The following WHRN variants were observed in gnomAD, a reference collection of about 807,000 sequenced individuals.
WHRN encodes whirlin, also known as CASK-interacting protein CIP98.
In WHRN, 41 loss-of-function variants were observed where a neutral mutation model predicts 68.3. The observed-to-expected ratio is 0.60, with a 90% CI of 0.47 to 0.78. The LOEUF is 0.78. WHRN is among the 30% of genes least tolerant of loss of function. The probability of loss-of-function intolerance (pLI) is 0.00; values close to 1 mark genes in which losing one functional copy is unlikely to be tolerated. For synonymous variants in WHRN, 560 were observed against 561.3 expected (o/e 1.00, Z 0.03); for missense variants, 1,243 against 1,244.7 (o/e 1.00, Z 0.02).
chr9:114,421,365 G>C (rs1369160681), intron 7 of WHRN, among the ~76,000 whole-genome samples: 1 of 152,090 alleles, frequency 6.6e-6, no homozygotes, highest in Non-Finnish European at 1.5e-5. Flanking sequence ...GCCCTTGCCA[G>C]GCAAGATAGT....
chr9:114,410,427 T>C (rs1006345812), intron 7 of WHRN, among the ~76,000 whole-genome samples: 1 of 152,206 alleles, frequency 6.6e-6, no homozygotes, highest in African/African-American at 2.4e-5. Context: ...CTAGCCATCA[T>C]TGGAGGAGGC....
intron 2 of WHRN, among the ~76,000 whole-genome samples, chr9:114,469,908 CCCATCCT>C (rs1395832531): frequency 1.3e-5 from 2 of 152,330 alleles, no homozygotes; most frequent in East Asian, 3.9e-4. Context: ...GGTTCATGGC[CCCATCCT>C]CCATCTTCAA....
chr9:114,412,550 A>C (rs963886472), intron 7 of WHRN, among the ~76,000 whole-genome samples: 10 of 152,090 alleles, frequency 6.6e-5, no homozygotes, highest in Non-Finnish European at 7.4e-5. Flanking sequence ...AGAAAGCTGA[A>C]CTCTATTCAA....
In WHRN at chr9:114,504,649, G is replaced by C. The variant is rs753390670; in HGVS notation, c.153C>G (p.Ser51Arg). 3.1e-6 allele frequency: 5 copies of C among 1,606,190 alleles called. No individual in the cohort carries two copies. The highest frequency in any genetic ancestry group is 3.4e-6 in the Non-Finnish European group (4 of 1,177,534). ...GGGTGAACTGCTCCCGCTCCGCCTC[G>C]CTCAGCAGCGCGGTCAGCGCTTGGT... ...QLHQALTALL[S>R]EAEREQFTHC... The change falls in exon 1 of 12, where the codon AGC (serine) becomes AGG (arginine). Residue 51 changes from serine to arginine, a missense_variant. By Grantham distance (110) the Ser-to-Arg change is moderately radical. Transcript: ENST00000362057.
chr9:114,402,861 G>A lies in WHRN; in HGVS notation c.2617C>T (p.Arg873Trp), dbSNP rs267602096. 34 of 1,613,928 alleles carry A rather than the reference G, an allele frequency of 2.1e-5. No homozygotes were observed. The highest frequency in any genetic ancestry group is 4.4e-5 in the South Asian group (4 of 91,090). ...VILEVNGLTL[R>W]GKEHREAARI... ...GCGGCCTCCCGGTGCTCCTTGCCCCGAAGCGTCAGCCCATTCACTTCCAGA... is the reference window on the plus strand; with the variant it reads ...GCGGCCTCCCGGTGCTCCTTGCCCCAAAGCGTCAGCCCATTCACTTCCAGA... The change falls in exon 12 of 12, where the codon CGG (arginine) becomes TGG (tryptophan). Residue 873 changes from arginine (R) to tryptophan (W), a missense_variant. Transcript: ENST00000362057.
At chr9:114,493,589 A>T (rs1843189740) in intron 1 of WHRN, among the ~76,000 whole-genome samples, 1 of 152,184 alleles carries the variant, frequency 6.6e-6, no homozygotes, top group South Asian at 2.1e-4. Flanking sequence ...ACAAATTCAG[A>T]GACTCCACCA....
intron 1 of WHRN, among the ~76,000 whole-genome samples, chr9:114,499,338 G>A (rs1428246580): frequency 6.6e-6 from 1 of 152,208 alleles, no homozygotes; most frequent in Non-Finnish European, 1.5e-5. Context: ...TTAGAAGTCT[G>A]CGTGAGTTCA....
intron 1 of WHRN, among the ~76,000 whole-genome samples, chr9:114,497,865 C>A (rs2133391421): frequency 6.6e-6 from 1 of 152,326 alleles, no homozygotes; most frequent in South Asian, 2.1e-4. Flanking sequence ...TTGCTCCCCA[C>A]AGCCACCTGG....
rs117352600 is a variant in WHRN, at chr9:114,424,398, C to T, written c.1352G>A (p.Gly451Asp). ...GAGGGCCTCCACAGAGACGCTGCCA[C>T]CACGGTACTCATCCAGGTAGTAGGC... Reference protein sequence around the residue: ...TMAYYLDEYRGGSVSVEALVM... With the variant: ...TMAYYLDEYRDGSVSVEALVM... The change falls in exon 6 of 12, where the codon GGT (glycine) becomes GAT (aspartate). Residue 451 changes from glycine (G) to aspartate (D), a missense_variant. Gly to Asp is a moderately conservative substitution (Grantham distance 94). Transcript: ENST00000362057. The T allele has an allele frequency of 1.4e-3, 2,243 of 1,612,848 alleles. 56 individuals are homozygous for T. The East Asian group carries it at 0.042, about 30-fold the overall frequency.
At chr9:114,492,507 G>A (rs1467120373) in intron 1 of WHRN, among the ~76,000 whole-genome samples, 1 of 152,116 alleles carries the variant, frequency 6.6e-6, no homozygotes, top group Non-Finnish European at 1.5e-5. Context: ...TTGGTGTAAC[G>A]AATAGGCTAG....
At chr9:114,491,407 G>C (rs1564226307) in intron 1 of WHRN, among the ~76,000 whole-genome samples, 1 of 152,130 alleles carries the variant, frequency 6.6e-6, no homozygotes, top group Non-Finnish European at 1.5e-5. Flanking sequence ...GTGATAAATG[G>C]GCACAGGATA....
At chr9:114,482,978 C>T (rs1834454246) in intron 1 of WHRN, among the ~76,000 whole-genome samples, 1 of 152,194 alleles carries the variant, frequency 6.6e-6, no homozygotes, top group Admixed American at 6.5e-5. Flanking sequence ...ACAACAGGCA[C>T]AGCCCAGGAC....
intron 3 of WHRN, among the ~76,000 whole-genome samples, chr9:114,450,049 A>C (rs1003040344): frequency 6.6e-6 from 1 of 151,964 alleles, no homozygotes; most frequent in Non-Finnish European, 1.5e-5. Flanking sequence ...GGACTTGTGG[A>C]CCCGCCCAGG....
In WHRN at chr9:114,402,627, G is replaced by C. The variant is rs1834758000; in HGVS notation, c.*127C>G. The C allele has an allele frequency of 3.4e-6, 4 of 1,181,504 alleles. No homozygotes were observed. Among genetic ancestry groups the C allele is most frequent in the Admixed American group, 1.7e-5 (1 of 58,852 alleles). The allele number at this position is 1,181,504 out of a possible 1,614,324, so 73.2% of individuals were successfully genotyped here. ...TTCTGGTCCAGTGGGCTGGGATGGA[G>C]GGGGGATGTCTTCCTGCCACCCTGG... On this transcript the variant is annotated 3_prime_UTR_variant, in exon 12 of 12. Transcript: ENST00000362057.
chr9:114,425,139 G>GAGTGGAGGCCACGATGCA, intron 4 of WHRN, 115 bp from the exon 5 acceptor site: 1 of 1,078,352 alleles, frequency 9.3e-7, no homozygotes, highest in Non-Finnish European at 1.4e-6. Context: ...ACCATGCATC[G>GAGTGGAGGCCACGATGCA]TGGCCTCCAC....
chr9:114,461,640 G>C (rs78549518), intron 3 of WHRN, among the ~76,000 whole-genome samples: 2,582 of 152,168 alleles, frequency 0.017, 70 homozygotes, highest in African/African-American at 0.059. Flanking sequence ...TCCACTTCAG[G>C]GACTTGGCAT....
intron 3 of WHRN, among the ~76,000 whole-genome samples, chr9:114,435,742 C>T (rs1422003044): frequency 1.3e-5 from 2 of 152,148 alleles, no homozygotes; most frequent in South Asian, 4.1e-4. Flanking sequence ...ACAGCCTTCA[C>T]AGACACAAAC....
At chr9:114,424,250 G>A in intron 6 of WHRN, 84 bp downstream of exon 6, 1 of 1,513,646 alleles carries the variant, frequency 6.6e-7, no homozygotes, top group Non-Finnish European at 9.2e-7. Flanking sequence ...ACCCCTTGTA[G>A]GTTCTCAGCA....
intron 2 of WHRN, among the ~76,000 whole-genome samples, chr9:114,472,674 TTGTC>T (rs1841337204): frequency 6.6e-6 from 1 of 152,178 alleles, no homozygotes; most frequent in Non-Finnish European, 1.5e-5. Context: ...TGTCTGTTCT[TTGTC>T]TGTTCACTGC....
Sources: allele counts gnomAD v4.1 joint callset (sites outside exome capture counted in the v4.1 genomes callset), GRCh38; gene constraint gnomAD v4.1.1; transcripts MANE v1.5; gene names NCBI Gene and HGNC (gene_info 2026-07-23, HGNC 2026-07-21).